Variants in C19orf47 observed in about 807,000 individuals in gnomAD.
The protein encoded by C19orf47 is chromosome 19 open reading frame 47.
Under a neutral mutation model 32.3 loss-of-function variants are expected in C19orf47, and 18 were observed. The ratio of observed to expected loss-of-function variants is 0.56; its 90% CI spans 0.39 to 0.83. C19orf47 has a LOEUF of 0.83. Among genes scored for constraint, C19orf47 ranks in the 40% least tolerant of loss-of-function variants. The probability of loss-of-function intolerance (pLI) is 0.00; values close to 1 mark genes in which losing one functional copy is unlikely to be tolerated. For synonymous variants in C19orf47, 202 were observed against 211.1 expected, an observed-to-expected ratio of 0.96 and a Z score of 0.37; for missense variants, 484 against 531.6, an observed-to-expected ratio of 0.91 and a Z score of 0.88.
At chr19:40,309,255 G>A in the C19orf47 span, among the ~76,000 whole-genome samples, 4 of 148,510 alleles carry the variant, frequency 2.7e-5, no homozygotes, top group East Asian at 2.0e-4. Flanking sequence ...ACAGTGGCTC[G>A]GTCTCAGCTC....
intron 1 of C19orf47, among the ~76,000 whole-genome samples, chr19:40,344,038 T>G (rs569846691): frequency 6.6e-6 from 1 of 151,686 alleles, no homozygotes; most frequent in Non-Finnish European, 1.5e-5. Context: ...TCAAGTGATC[T>G]GCCCACATCA....
intron 4 of C19orf47, among the ~76,000 whole-genome samples, chr19:40,334,155 A>G (rs2078011981): frequency 6.6e-6 from 1 of 152,212 alleles, no homozygotes; most frequent in African/African-American, 2.4e-5. Context: ...CTCCTCACCT[A>G]TTGAAAAAAT....
downstream of C19orf47, among the ~76,000 whole-genome samples, chr19:40,314,573 CCT>C (rs767317223): frequency 1.3e-3 from 205 of 152,200 alleles, 2 homozygotes; most frequent in Non-Finnish European, 1.2e-3. Context: ...AGTAAATATC[CCT>C]GAGTCCAAAC....
chr19:40,329,519 A>G (rs1175801492), intron 5 of C19orf47, among the ~76,000 whole-genome samples: 6 of 152,082 alleles, frequency 3.9e-5, no homozygotes. Flanking sequence ...AACAGGGGGG[A>G]AAAAGAAAGA....
At position 40,321,953 on chromosome 19, in the gene C19orf47, C is replaced by T; in HGVS notation, c.1087G>A (p.Gly363Ser). The part of the protein sequence containing the change: ...VGPRGSSSSE[G>S]LGAQMDHAGT... ...GCGTGGTCCATCTGGGCACCAAGGC[C>T]CTCGCTGGAGCTGCTCCCCCGGGGC... The change falls in exon 9 of 9, where the codon GGC (glycine) becomes AGC (serine). Residue 363 changes from glycine (G) to serine (S), a missense_variant. By Grantham distance (56) the Gly-to-Ser change is moderately conservative. Transcript: ENST00000683109. 1 of 1,613,708 alleles carries T rather than the reference C, an allele frequency of 6.2e-7. No individual in the cohort carries two copies. Among genetic ancestry groups the T allele is most frequent in the Non-Finnish European group, 8.5e-7 (1 of 1,179,902 alleles).
rs200578031 is a variant in C19orf47, at chr19:40,326,300, C to T, written c.592+34G>A. On this transcript the variant is annotated intron_variant, in intron 7 of 8. Transcript: ENST00000683109. ...GTGATGCAGAGGGAGGGACATGGAC[C>T]CCGCAGGGAAGCATGCCCCTGATGG... 1.7e-5 allele frequency: 27 copies of T among 1,611,860 alleles called. No homozygotes were observed. The East Asian group carries it at 5.6e-4, about 33-fold the overall frequency.
At chr19:40,342,956 T>C (rs1352642621) in intron 1 of C19orf47, among the ~76,000 whole-genome samples, 1 of 152,166 alleles carries the variant, frequency 6.6e-6, no homozygotes, top group Non-Finnish European at 1.5e-5. Flanking sequence ...TCCCTTACAT[T>C]AGCAGATGGT....
chr19:40,307,727 C>T, the C19orf47 span, among the ~76,000 whole-genome samples: 5 of 151,946 alleles, frequency 3.3e-5, no homozygotes, highest in African/African-American at 1.2e-4. Context: ...TCACACTAAT[C>T]GACTCATTTA....
At chr19:40,293,867 T>G in the C19orf47 span, among the ~76,000 whole-genome samples, 3 of 151,976 alleles carry the variant, frequency 2.0e-5, no homozygotes, top group African/African-American at 7.2e-5. Flanking sequence ...ATGCCTATAA[T>G]CCTAGCATTT....
At chr19:40,307,935 T>C in the C19orf47 span, among the ~76,000 whole-genome samples, 78 of 151,564 alleles carry the variant, frequency 5.1e-4, 1 homozygote, top group East Asian at 0.013. Flanking sequence ...GTAGCTGGGA[T>C]TACAGTCACC....
intron 1 of C19orf47, among the ~76,000 whole-genome samples, chr19:40,346,095 G>T (rs2078271449): frequency 6.6e-6 from 1 of 150,808 alleles, no homozygotes; most frequent in African/African-American, 2.4e-5. Context: ...GGCAGAGGTT[G>T]CAGTGAGCCG....
downstream of C19orf47, among the ~76,000 whole-genome samples, chr19:40,318,866 A>G (rs1024235124): frequency 4.6e-5 from 7 of 151,850 alleles, no homozygotes; most frequent in Non-Finnish European, 7.3e-5. Context: ...ACGTAACTGA[A>G]AAACTGAAAA....
chr19:40,343,141 G>A (rs1363462478), intron 1 of C19orf47, among the ~76,000 whole-genome samples: 2 of 152,068 alleles, frequency 1.3e-5, no homozygotes, highest in African/African-American at 4.8e-5. Context: ...TTAGCCCTCT[G>A]CCTCTTCCCT....
intron 1 of C19orf47, among the ~76,000 whole-genome samples, chr19:40,347,393 G>T (rs1020164574): frequency 1.6e-4 from 25 of 152,124 alleles, no homozygotes; most frequent in African/African-American, 6.0e-4. Context: ...TTAGCCGGGC[G>T]TGGTGGCGCA....
the C19orf47 span, among the ~76,000 whole-genome samples, chr19:40,307,054 GT>G: frequency 3.5e-5 from 5 of 142,516 alleles, no homozygotes; most frequent in Non-Finnish European, 6.0e-5. Flanking sequence ...CTCCCAAAGT[GT>G]TGGGATTACA....
intron 1 of C19orf47, among the ~76,000 whole-genome samples, chr19:40,345,640 G>A (rs373566944): frequency 5.3e-5 from 8 of 150,312 alleles, no homozygotes; most frequent in South Asian, 4.2e-4. Flanking sequence ...TCAGGAGTTC[G>A]AGACCAGCCT....
the C19orf47 span, among the ~76,000 whole-genome samples, chr19:40,297,701 G>GGA: frequency 1.8e-5 from 2 of 110,860 alleles, no homozygotes; most frequent in South Asian, 4.8e-4. Context: ...CTCCGTCTCG[G>GGA]AAAAAAAAAA....
intron 2 of C19orf47, chr19:40,339,131 G>C (rs772299740): frequency 7.8e-5 from 12 of 153,132 alleles, no homozygotes; most frequent in African/African-American, 2.9e-4. Context: ...TGATCAATTA[G>C]TTGTAAAGAC....
At position 40,320,977 on chromosome 19, in the gene C19orf47, G is replaced by A. The variant is rs1452709633; in HGVS notation, c.*905C>T. The A allele has an allele frequency of 6.5e-6, 1 of 154,916 alleles. No individual in the cohort carries two copies. The highest frequency in any genetic ancestry group is 1.9e-4 in the East Asian group (1 of 5,202). 9.6% of individuals were successfully genotyped at this position (154,916 alleles called of 1,614,324 possible). ...AGGAAGCCTGACCTTTAGAGACACA[G>A]CCCAATCCTCTGCCACCATCCCCAG... On this transcript the variant is annotated 3_prime_UTR_variant, in exon 9 of 9. Coordinates refer to ENST00000683109, the MANE Select transcript of C19orf47 (RefSeq NM_001256441.2).
Sources: gnomAD v4.1 joint callset for allele counts (sites outside exome capture counted in the v4.1 genomes callset) on GRCh38, gnomAD v4.1.1 for gene constraint, MANE v1.5 for transcripts, NCBI Gene and HGNC (gene_info 2026-07-23, HGNC 2026-07-21) for gene names.